The following PHKG1 variants were observed in gnomAD, a reference collection of about 807,000 sequenced individuals.
The protein encoded by PHKG1 is phosphorylase kinase catalytic subunit gamma 1, also known as phosphorylase b kinase gamma catalytic chain, skeletal muscle/heart isoform.
In PHKG1, 48 loss-of-function variants were observed where a neutral mutation model predicts 50.5. The observed-to-expected ratio is 0.95, with a 90% CI of 0.75 to 1.21. The LOEUF is 1.21. Ranked by LOEUF, PHKG1 falls within the 50% of genes most tolerant of loss-of-function variation. The pLI is 0.00. For missense variants in PHKG1, 487 were observed against 519.5 expected (o/e 0.94, Z 0.61); for synonymous variants, 204 against 212.8 (o/e 0.96, Z 0.36).
Position 56,081,424 on chromosome 7 carries a change from G to C in PHKG1, c.919-125C>G, listed in dbSNP as rs1239374161. ...GGGTGGCTTCTGCGGGGCCTTCCTAGTGTCCCCCACTTCCCACTTGGCCAG... is the reference window on the plus strand; with the variant it reads ...GGGTGGCTTCTGCGGGGCCTTCCTACTGTCCCCCACTTCCCACTTGGCCAG... On this transcript the variant is annotated intron_variant, in intron 9 of 9. Transcript: ENST00000297373. This position sits in a 1 kb window ranked among gnomAD's most constrained non-coding sequence, Gnocchi z 4.6. The C allele has an allele frequency of 1.4e-5, 19 of 1,327,780 alleles. No homozygotes were observed. The highest frequency in any genetic ancestry group is 1.9e-5 in the Non-Finnish European group (19 of 982,626). The allele number at this position is 1,327,780 out of a possible 1,614,324, so 82.2% of individuals were successfully genotyped here.
At position 56,082,882 on chromosome 7, in the gene PHKG1, C is replaced by T. The variant is rs561666612; in HGVS notation, c.547+396G>A. Among the ~76,000 whole-genome samples, 14 of 151,942 alleles carry T rather than the reference C, an allele frequency of 9.2e-5. No individual in the cohort carries two copies. In the East Asian group the frequency reaches 1.2e-3, roughly 13 times the overall value. On this transcript the variant is annotated intron_variant, in intron 6 of 9. Transcript: ENST00000297373. The stretch of plus-strand genomic sequence containing the variant: ...CAGCACTTTGGGAGGCCGAGGCGGG[C>T]GGATCGTAAGGTCAGGAGTTCGAGA...
intron 2 of PHKG1, 115 bp downstream of exon 2, chr7:56,088,744 C>T: frequency 1.5e-6 from 1 of 672,436 alleles, no homozygotes; most frequent in Non-Finnish European, 2.6e-6. Flanking sequence ...TCCAAGTGAA[C>T]AGCACTTTGG....
chr7:56,083,938 C>T (rs1305710597), intron 4 of PHKG1, among the ~76,000 whole-genome samples: 1 of 152,190 alleles, frequency 6.6e-6, no homozygotes, highest in Non-Finnish European at 1.5e-5. Context: ...ATCAGGGGCT[C>T]AGGCTCTCAT....
chr7:56,089,336 G>T (rs1796397279), intron 1 of PHKG1, among the ~76,000 whole-genome samples: 1 of 151,130 alleles, frequency 6.6e-6, no homozygotes. Flanking sequence ...GGAGGCAGAG[G>T]TTGCAGTGAG....
rs756538374 is a variant in PHKG1, at chr7:56,087,009, G to A, written c.278C>T (p.Thr93Ile). Reference protein sequence around the residue: ...GHPNIIQLKDTYETNTFFFLV... With the variant: ...GHPNIIQLKDIYETNTFFFLV... Reference sequence around the variant, plus strand: ...GAAGAAGAAAGTGTTGGTCTCATAAGTGTCCTTCAGCTGTACTGAAATGGA... The same window carrying A: ...GAAGAAGAAAGTGTTGGTCTCATAAATGTCCTTCAGCTGTACTGAAATGGA... The change falls in exon 4 of 10, where the codon ACT becomes ATT. Residue 93 changes from threonine to isoleucine, a missense_variant. By Grantham distance (89) the Thr-to-Ile change is moderately conservative (BLOSUM62 -1). Transcript: ENST00000297373. 1.9e-6 allele frequency: 3 copies of A among 1,613,248 alleles called. No individual in the cohort carries two copies. The highest frequency in any genetic ancestry group is 2.2e-5 in the South Asian group (2 of 91,046).
In PHKG1 at chr7:56,081,364, C is replaced by A; in HGVS notation, c.919-65G>T. 1 of 1,537,046 alleles carries A rather than the reference C, an allele frequency of 6.5e-7. No homozygotes were observed. Among genetic ancestry groups the A allele is most frequent in the Non-Finnish European group, 8.7e-7 (1 of 1,146,986 alleles). ...CCTGCCAGGCCCTGCCCCTCCAGCA[C>A]AGGGACGCTCTGGGCTCGTTTGCCA... On this transcript the variant is annotated intron_variant, in intron 9 of 9. Transcript: ENST00000297373. This position sits in a 1 kb window ranked among gnomAD's most constrained non-coding sequence, Gnocchi z 4.6.
intron 3 of PHKG1, among the ~76,000 whole-genome samples, chr7:56,087,342 C>T (rs11764629): frequency 0.17 from 26,302 of 151,822 alleles, 2,588 homozygotes; most frequent in Admixed American, 0.23. Flanking sequence ...CTGCTTCAGC[C>T]TCCCGAGTGG....
Position 56,092,554 on chromosome 7 carries a change from T to A in PHKG1, c.-35+282A>T, listed in dbSNP as rs531983700. ...TCCCAAAGTGCTGGGATTATAGGCA[T>A]GAGCCATCGCGCCTGCCTGGCCTGG... On this transcript the variant is annotated intron_variant, in intron 1 of 9. Transcript: ENST00000297373. 2.6e-3 allele frequency among the ~76,000 whole-genome samples: 401 copies of A among 152,302 alleles called. 3 individuals carry two copies. Among genetic ancestry groups the A allele is most frequent in the African/African-American group, 9.0e-3 (374 of 41,584 alleles).
chr7:56,083,540 C>T, intron 5 of PHKG1, 99 bp from the exon 6 acceptor site: 1 of 1,515,032 alleles, frequency 6.6e-7, no homozygotes, highest in Non-Finnish European at 9.1e-7. Flanking sequence ...AAGGGAGCAG[C>T]ACACACGCCC....
In PHKG1 at chr7:56,081,581, G is replaced by C; in HGVS notation, c.918+49C>G. On this transcript the variant is annotated intron_variant, in intron 9 of 9. Coordinates refer to ENST00000297373, the MANE Select transcript of PHKG1 (RefSeq NM_006213.5). This position sits in a 1 kb window ranked among gnomAD's most constrained non-coding sequence, Gnocchi z 4.6. The stretch of plus-strand genomic sequence containing the variant: ...GACTCCTGGGAGAGGAGGGGGCTTA[G>C]AGGTTTGCACTTAGGGAGCTGGCGG... 4 of 1,603,338 alleles carry C rather than the reference G, an allele frequency of 2.5e-6. No individual in the cohort carries two copies. The highest frequency in any genetic ancestry group is 3.4e-6 in the Non-Finnish European group (4 of 1,173,244).
intron 6 of PHKG1, among the ~76,000 whole-genome samples, chr7:56,082,651 C>G (rs3778868): frequency 0.018 from 2,739 of 152,082 alleles, 53 homozygotes; most frequent in Admixed American, 0.049. Context: ...AAATGGCGCT[C>G]GGGCTGGGAC....
In PHKG1 at chr7:56,081,865, C is replaced by G. The variant is rs766584104; in HGVS notation, c.792+28G>C. ...GGCGCCTGGCATCGCAGCCCTGAGC[C>G]CAGGAGCCAGTTGGCCTGGCCTCTC... On this transcript the variant is annotated intron_variant, in intron 8 of 9. Transcript: ENST00000297373. The surrounding 1 kb of genome is among the most constrained non-coding windows in gnomAD (Gnocchi z 4.6). The G allele has an allele frequency of 1.9e-6, 3 of 1,612,336 alleles. No individual in the cohort carries two copies. Among genetic ancestry groups the G allele is most frequent in the Non-Finnish European group, 2.5e-6 (3 of 1,179,480 alleles).
At chr7:56,092,538 G>T (rs977192028) in intron 1 of PHKG1, among the ~76,000 whole-genome samples, 1 of 152,186 alleles carries the variant, frequency 6.6e-6, no homozygotes, top group African/African-American at 2.4e-5. Flanking sequence ...CTCCCAAAGT[G>T]CTGGGATTAT....
chr7:56,088,026 G>A (rs1238282055), intron 2 of PHKG1, among the ~76,000 whole-genome samples: 2 of 111,804 alleles, frequency 1.8e-5, no homozygotes, highest in Non-Finnish European at 3.7e-5. Flanking sequence ...TTTTTGAGCC[G>A]TTCAGTGCTT....
intron 1 of PHKG1, among the ~76,000 whole-genome samples, chr7:56,091,690 A>G (rs912320908): frequency 2.4e-4 from 36 of 152,208 alleles, no homozygotes; most frequent in African/African-American, 8.4e-4. Flanking sequence ...CTGGTCTCAC[A>G]AAGGAGCCAA....
Position 56,081,281 on chromosome 7 carries a change from G to A in PHKG1, c.937C>T (p.Leu313=). 6.2e-7 allele frequency: 1 copy of A among 1,610,702 alleles called. No homozygotes were observed. Among genetic ancestry groups the A allele is most frequent in the Non-Finnish European group, 8.5e-7 (1 of 1,179,782 alleles). The change falls in exon 10 of 10, where the codon CTG becomes TTG. Residue 313 remains leucine, a synonymous_variant. Transcript: ENST00000297373. This position sits in a 1 kb window ranked among gnomAD's most constrained non-coding sequence, Gnocchi z 4.6. ...TGGTAGTAGATCCGCACTGAAGCCA[G>A]CACGGTCAGAGCGATCACCTGCAGG... The part of the protein sequence containing the change: ...GKFKVIALTV[L]ASVRIYYQYR...
Position 56,081,236 on chromosome 7 carries a change from C to G in PHKG1, c.982G>C (p.Val328Leu). 1 of 1,613,594 alleles carries G rather than the reference C, an allele frequency of 6.2e-7. No individual in the cohort carries two copies. Among genetic ancestry groups the G allele is most frequent in the South Asian group, 1.1e-5 (1 of 91,076 alleles). Residue 328 changes from valine (V) to leucine (L), a missense_variant, in exon 10 of 10, where the codon GTG becomes CTG. Val to Leu is a conservative substitution (Grantham distance 32). Coordinates refer to ENST00000297373, the MANE Select transcript of PHKG1 (RefSeq NM_006213.5). The surrounding 1 kb of genome is among the most constrained non-coding windows in gnomAD (Gnocchi z 4.6). ...TCTCGGATGACGATCTCCCGGGTCA[C>G]AGGCTTCACCCGGCGGTACTGGTAG... ...IYYQYRRVKP[V>L]TREIVIRDPY...
At chr7:56,083,745 C>G (rs781422773) in intron 4 of PHKG1, 30 bp from the exon 5 acceptor site, 7 of 1,485,810 alleles carry the variant, frequency 4.7e-6, no homozygotes, top group Non-Finnish European at 6.5e-6. Flanking sequence ...ATAGCTGGAT[C>G]GGTCCCAAGA....
rs139622034 is a variant in PHKG1, at chr7:56,080,952, G to T, written c.*102C>A. 1.8e-3 allele frequency: 2,459 copies of T among 1,377,054 alleles called. 56 individuals carry two copies. In the East Asian group the frequency reaches 0.055, roughly 31 times the overall value. 85.3% of individuals were successfully genotyped at this position (1,377,054 alleles called of 1,614,324 possible). ...CAGGGGTTCCTGGCCAGGGCCAAGT[G>T]CTCCTTCTGCAGAGGCCTGCACGCA... is the stretch of plus-strand genomic sequence containing the variant. On this transcript the variant is annotated 3_prime_UTR_variant, in exon 10 of 10. Transcript: ENST00000297373.
Sources: gnomAD v4.1 joint callset for allele counts (sites outside exome capture counted in the v4.1 genomes callset) on GRCh38, gnomAD v4.1.1 for gene constraint, Gnocchi (gnomAD v3.1) non-coding constraint, MANE v1.5 for transcripts, NCBI Gene and HGNC (gene_info 2026-07-23, HGNC 2026-07-21) for gene names.